MDGA2: variants seen among roughly 807,000 people sequenced by gnomAD.
The protein encoded by MDGA2 is MAM domain-containing glycosylphosphatidylinositol anchor protein 2.
Under a neutral mutation model 117.8 loss-of-function variants are expected in MDGA2, and 40 were observed. The observed-to-expected ratio is 0.34, with a 90% confidence interval of 0.26 to 0.44. The LOEUF (loss-of-function observed/expected upper bound fraction) is 0.44, where lower values mean the gene tolerates loss of function less well. Ranked by LOEUF, MDGA2 falls within the 20% of genes least tolerant of loss-of-function variation. The pLI is 1.00. For missense variants in MDGA2, 1,123 were observed against 1,250.6 expected (o/e 0.90, Z 1.54); for synonymous variants, 452 against 439.0 (o/e 1.03, Z -0.37).
chr14:47,053,648 T>TACACACAC (rs1566595404), intron 7 of MDGA2, among the ~76,000 whole-genome samples: 1 of 42,240 alleles, frequency 2.4e-5, no homozygotes, highest in Non-Finnish European at 4.5e-5. Context: ...TATATATATA[T>TACACACAC]ATATATACAC....
At chr14:47,470,761 G>A (rs944500738) in intron 1 of MDGA2, among the ~76,000 whole-genome samples, 3 of 152,028 alleles carry the variant, frequency 2.0e-5, no homozygotes, top group Admixed American at 6.6e-5. Flanking sequence ...TCCATTAAAG[G>A]ATTACCCACC....
At chr14:47,328,100 GTCACT>G (rs1201799327) in intron 1 of MDGA2, among the ~76,000 whole-genome samples, 2 of 152,108 alleles carry the variant, frequency 1.3e-5, no homozygotes, top group Non-Finnish European at 2.9e-5. Context: ...TCTTAACAAA[GTCACT>G]CTCTTTCTGA....
chr14:46,998,199 T>A (rs1887369354), intron 8 of MDGA2, among the ~76,000 whole-genome samples: 1 of 152,090 alleles, frequency 6.6e-6, no homozygotes, highest in African/African-American at 2.4e-5. Flanking sequence ...ATTCCAGAAC[T>A]TTGGGAGGCC....
At chr14:46,878,558 A>C (rs1365288050) in intron 11 of MDGA2, among the ~76,000 whole-genome samples, 1 of 152,096 alleles carries the variant, frequency 6.6e-6, no homozygotes, top group East Asian at 1.9e-4. Context: ...AAATTTTAAC[A>C]GAGTAACTTT....
intron 1 of MDGA2, among the ~76,000 whole-genome samples, chr14:47,393,399 C>T (rs1891938935): frequency 6.0e-5 from 1 of 16,560 alleles, no homozygotes; most frequent in African/African-American, 1.4e-4. Context: ...TTTTAAATTG[C>T]AATTATTAAA....
Position 46,909,054 on chromosome 14 carries a change from C to T in MDGA2, c.2238+10958G>A, listed in dbSNP as rs532465824. ...TGCATAGCATTAATTGCTTTCTAAC[C>T]GTTAATTTTTTGTCTGCTTCCTACT... On this transcript the variant is annotated intron_variant, in intron 10 of 16. Coordinates refer to ENST00000399232, the MANE Select transcript of MDGA2 (RefSeq NM_001113498.3). 8.5e-5 allele frequency among the ~76,000 whole-genome samples: 13 copies of T among 152,206 alleles called. 1 individual carries two copies. The highest frequency in any genetic ancestry group is 2.9e-4 in the African/African-American group (12 of 41,552).
intron 3 of MDGA2, among the ~76,000 whole-genome samples, chr14:47,155,469 G>A (rs1020990107): frequency 6.6e-6 from 1 of 152,052 alleles, no homozygotes; most frequent in Non-Finnish European, 1.5e-5. Context: ...GCAGTTCCTC[G>A]CGTCTCCAAG....
At chr14:46,942,572 C>T (rs1431273512) in intron 9 of MDGA2, among the ~76,000 whole-genome samples, 2 of 152,090 alleles carry the variant, frequency 1.3e-5, no homozygotes, top group Non-Finnish European at 2.9e-5. Context: ...CACCTCCACC[C>T]TTGACCCAGG....
intron 10 of MDGA2, among the ~76,000 whole-genome samples, chr14:46,907,890 G>A (rs762260010): frequency 1.6e-4 from 25 of 152,094 alleles, no homozygotes; most frequent in Non-Finnish European, 3.1e-4. Context: ...TTTTTCCTGA[G>A]TACGTAGTTA....
At chr14:47,311,384 G>C (rs1400841476) in intron 1 of MDGA2, among the ~76,000 whole-genome samples, 1 of 152,032 alleles carries the variant, frequency 6.6e-6, no homozygotes, top group Non-Finnish European at 1.5e-5. Flanking sequence ...GCAATAGTAG[G>C]CAGAGAATTG....
At chr14:47,541,439 G>T (rs143919308) in intron 1 of MDGA2, among the ~76,000 whole-genome samples, 1 of 152,110 alleles carries the variant, frequency 6.6e-6, no homozygotes, top group South Asian at 2.1e-4. Context: ...TTAATTCCTC[G>T]TTTGGTTTCT....
rs71112467 is a variant in MDGA2, at chr14:46,864,545, GTTTTTTTTTTTT to G, written c.2752+8876_2752+8887del. Among the ~76,000 whole-genome samples the G allele has an allele frequency of 1.4e-4, 7 of 51,472 alleles. 1 individual carries two copies. The highest frequency in any genetic ancestry group is 2.0e-4 in the Non-Finnish European group (5 of 25,448). The allele number at this position is 51,472 out of a possible 152,430, so 33.8% of individuals were successfully genotyped here. A position where few individuals can be genotyped will look rare whatever the true frequency, so the allele number is the denominator to read the frequency against. On this transcript the variant is annotated intron_variant, in intron 14 of 16. Transcript: ENST00000399232. ...TTTGTTGCGCTTTGCAGATATTGCT[GTTTTTTTTTTTT>G]TTTTTTTTTTTTTTTACAAATTAAA...
At chr14:46,854,953 A>C in intron 15 of MDGA2, 71 bp downstream of exon 15, 1 of 1,283,766 alleles carries the variant, frequency 7.8e-7, no homozygotes, top group Non-Finnish European at 1.1e-6. Context: ...ATATTTTAAT[A>C]TTTGCTCAAG....
At position 47,301,283 on chromosome 14, in the gene MDGA2, ACCCACACCCACC is replaced by A. The variant is rs1358181700; in HGVS notation, c.420+116_420+127del. On this transcript the variant is annotated intron_variant, in intron 2 of 16. Coordinates refer to ENST00000399232, the MANE Select transcript of MDGA2 (RefSeq NM_001113498.3). Reference sequence around the variant, plus strand: ...TTGCACTTGAGTTACACACACACACACCCACACCCACCCACACACACACACACACACACACAC... The same window carrying A: ...TTGCACTTGAGTTACACACACACACACACACACACACACACACACACACAC... 1.4e-5 allele frequency: 13 copies of A among 928,598 alleles called. No homozygotes were observed. In the African/African-American group the frequency reaches 3.0e-4, roughly 21 times the overall value. The allele number at this position is 928,598 out of a possible 1,614,324, so 57.5% of individuals were successfully genotyped here.
At chr14:46,991,946 A>G (rs1429243963) in intron 8 of MDGA2, among the ~76,000 whole-genome samples, 2 of 152,110 alleles carry the variant, frequency 1.3e-5, no homozygotes, top group African/African-American at 2.4e-5. Flanking sequence ...AGACTTGATT[A>G]TAGGTTAGCA....
intron 3 of MDGA2, among the ~76,000 whole-genome samples, chr14:47,188,298 A>C (rs1004936420): frequency 1.3e-5 from 2 of 152,222 alleles, no homozygotes; most frequent in Non-Finnish European, 2.9e-5. Flanking sequence ...TTACAAAAGC[A>C]GTGTGGCTTC....
intron 1 of MDGA2, among the ~76,000 whole-genome samples, chr14:47,503,498 T>A (rs148161141): frequency 0.013 from 1,971 of 149,676 alleles, 44 homozygotes; most frequent in African/African-American, 0.046. Context: ...TCTCAGCTCC[T>A]GGGTTCACGC....
chr14:47,599,993 T>C (rs1439080111), intron 1 of MDGA2, among the ~76,000 whole-genome samples: 2 of 152,186 alleles, frequency 1.3e-5, no homozygotes, highest in African/African-American at 2.4e-5. Flanking sequence ...TGGTTGTTAG[T>C]TTACACTATA....
chr14:47,437,829 T>G (rs1892928370), intron 1 of MDGA2, among the ~76,000 whole-genome samples: 1 of 152,158 alleles, frequency 6.6e-6, no homozygotes, highest in African/African-American at 2.4e-5. Flanking sequence ...TAGGAGTAAT[T>G]TGCTGAATAA....
Sources: allele counts gnomAD v4.1 joint callset (sites outside exome capture counted in the v4.1 genomes callset), GRCh38; gene constraint gnomAD v4.1.1; transcripts MANE v1.5; gene names NCBI Gene and HGNC (gene_info 2026-07-23, HGNC 2026-07-21).